The following CNTN4 variants were observed in gnomAD, a reference collection of about 807,000 sequenced individuals.
CNTN4 encodes the protein contactin-4.
CNTN4 carries 77 observed loss-of-function variants against 122.5 expected under a neutral mutation model. The ratio of observed to expected loss-of-function variants is 0.63; its 90% CI spans 0.52 to 0.76. CNTN4 has a LOEUF of 0.76. Among genes scored for constraint, CNTN4 ranks in the 30% least tolerant of loss-of-function variants. The pLI, the probability that CNTN4 is intolerant of heterozygous loss-of-function variation, is 0.00. For synonymous variants in CNTN4, 512 were observed against 447.0 expected, an observed-to-expected ratio of 1.15 and a Z score of -1.83; for missense variants, 1,256 against 1,259.1, an observed-to-expected ratio of 1.00 and a Z score of 0.04.
At chr3:2,455,058 A>G (rs2048948302) in intron 3 of CNTN4, among the ~76,000 whole-genome samples, 1 of 152,116 alleles carries the variant, frequency 6.6e-6, no homozygotes, top group Non-Finnish European at 1.5e-5. Context: ...AAATAAAACC[A>G]GTAAATATGG....
intron 3 of CNTN4, among the ~76,000 whole-genome samples, chr3:2,548,812 G>A (rs147090595): frequency 1.3e-5 from 2 of 152,160 alleles, no homozygotes; most frequent in Non-Finnish European, 2.9e-5. Flanking sequence ...CCATGAGCAT[G>A]GAATGTTTTT....
At chr3:2,562,314 A>T (rs2078990928) in intron 3 of CNTN4, among the ~76,000 whole-genome samples, 1 of 152,040 alleles carries the variant, frequency 6.6e-6, no homozygotes, top group Admixed American at 6.6e-5. Flanking sequence ...TAGGAGGACA[A>T]ATGACCCTAT....
At chr3:2,390,916 T>C (rs2046419365) in intron 3 of CNTN4, among the ~76,000 whole-genome samples, 1 of 152,182 alleles carries the variant, frequency 6.6e-6, no homozygotes. Flanking sequence ...ATTTTCTTCT[T>C]TCAGAAAATA....
intron 3 of CNTN4, among the ~76,000 whole-genome samples, chr3:2,528,610 G>A (rs1187873918): frequency 6.6e-6 from 1 of 152,120 alleles, no homozygotes; most frequent in Non-Finnish European, 1.5e-5. Context: ...AGCACTTTTA[G>A]GAGGTAGATA....
At chr3:3,047,046 G>A (rs1218106157) in intron 23 of CNTN4, among the ~76,000 whole-genome samples, 1 of 149,916 alleles carries the variant, frequency 6.7e-6, no homozygotes, top group East Asian at 1.9e-4. Flanking sequence ...TTACATAATG[G>A]TAAAGGGATC....
chr3:2,379,667 G>T (rs546945814), intron 3 of CNTN4, among the ~76,000 whole-genome samples: 117 of 152,274 alleles, frequency 7.7e-4, no homozygotes, highest in Middle Eastern at 3.4e-3. Flanking sequence ...TGAATCTGTT[G>T]TCATGACTTT....
intron 5 of CNTN4, among the ~76,000 whole-genome samples, chr3:2,745,044 C>T (rs542763534): frequency 2.1e-4 from 32 of 152,286 alleles, no homozygotes; most frequent in African/African-American, 7.2e-4. Flanking sequence ...CCAGCCATTG[C>T]AGTCATATTA....
intron 3 of CNTN4, among the ~76,000 whole-genome samples, chr3:2,477,189 T>C (rs1012147106): frequency 2.6e-4 from 40 of 152,328 alleles, no homozygotes; most frequent in Non-Finnish European, 5.6e-4. Context: ...GCTCTTGTTC[T>C]TATAAGAAAT....
intron 4 of CNTN4, among the ~76,000 whole-genome samples, chr3:2,634,948 A>G (rs1417707654): frequency 6.6e-6 from 1 of 152,140 alleles, no homozygotes; most frequent in Non-Finnish European, 1.5e-5. Flanking sequence ...TGGGGTGAAG[A>G]TTTTATTCTT....
At chr3:2,353,779 G>T (rs1298613926) in intron 3 of CNTN4, among the ~76,000 whole-genome samples, 1 of 152,000 alleles carries the variant, frequency 6.6e-6, no homozygotes, top group Non-Finnish European at 1.5e-5. Context: ...GGCGCCTGTG[G>T]TCCCAGCTAC....
rs1365493626 is a variant in CNTN4, at chr3:2,777,193, T to C, written c.358+31496T>C. Among the ~76,000 whole-genome samples, 3 of 152,274 alleles carry C rather than the reference T, an allele frequency of 2.0e-5. No homozygotes were observed. In the East Asian group the frequency reaches 5.8e-4, roughly 29 times the overall value. On this transcript the variant is annotated intron_variant, in intron 6 of 24. Transcript: ENST00000418658. The stretch of plus-strand genomic sequence containing the variant: ...CTTTGTGCTTTCAGGAAAATCACAT[T>C]TGTGTTTTATGGTATTTAAACAGAA...
rs1233126580 is a variant in CNTN4 at position 2,571,517 on chromosome 3, G to C, written c.14G>C (p.Trp5Ser). 1 of 1,613,612 alleles carries C rather than the reference G, an allele frequency of 6.2e-7. No individual in the cohort carries two copies. The highest frequency in any genetic ancestry group is 1.3e-5 in the African/African-American group (1 of 74,928). Residue 5 changes from tryptophan to serine, a missense_variant, in exon 4 of 25, where the codon TGG becomes TCG. Transcript: ENST00000418658. The stretch of plus-strand genomic sequence containing the variant: ...CGGAAACTGAAGATGAGGTTGCCAT[G>C]GGAACTGCTGGTACTGCAATCATTC... MRLP[W>S]ELLVLQSFIL...
chr3:2,466,363 G>C (rs920853738), intron 3 of CNTN4, among the ~76,000 whole-genome samples: 1 of 152,200 alleles, frequency 6.6e-6, no homozygotes, highest in East Asian at 1.9e-4. Context: ...GTAAGTGTTT[G>C]TCGCTGCTCT....
At chr3:2,277,092 G>A (rs758105467) in intron 2 of CNTN4, among the ~76,000 whole-genome samples, 5 of 152,072 alleles carry the variant, frequency 3.3e-5, no homozygotes, top group Non-Finnish European at 5.9e-5. Flanking sequence ...CACCAAAAAA[G>A]CAAGAGAGGA....
chr3:2,824,696 CTG>C (rs2092950433), intron 7 of CNTN4, among the ~76,000 whole-genome samples: 1 of 152,152 alleles, frequency 6.6e-6, no homozygotes, highest in African/African-American at 2.4e-5. Flanking sequence ...GAGTCTCACT[CTG>C]TCAACCAGGC....
intron 19 of CNTN4, chr3:3,039,827 T>G (rs538163503): frequency 3.5e-6 from 2 of 563,434 alleles, no homozygotes; most frequent in Non-Finnish European, 6.5e-6. Flanking sequence ...GGACTGCAGA[T>G]CCTCATTACG....
chr3:2,942,560 G>A (rs1186451181), intron 13 of CNTN4, among the ~76,000 whole-genome samples: 1 of 152,132 alleles, frequency 6.6e-6, no homozygotes, highest in Non-Finnish European at 1.5e-5. Flanking sequence ...TGGTGATGGA[G>A]GACACCTTAG....
intron 13 of CNTN4, among the ~76,000 whole-genome samples, chr3:2,983,147 G>T (rs531779662): frequency 7.5e-6 from 1 of 133,738 alleles, no homozygotes; most frequent in Non-Finnish European, 1.5e-5. Context: ...CCTGGAGGTG[G>T]AGCTTGCAGT....
chr3:2,389,434 C>T (rs935495857), intron 3 of CNTN4, among the ~76,000 whole-genome samples: 35 of 152,168 alleles, frequency 2.3e-4, no homozygotes, highest in Admixed American at 7.9e-4. Context: ...TGTAACTCTT[C>T]AGAGAGGCCT....
Sources: gnomAD v4.1 joint callset for allele counts (sites outside exome capture counted in the v4.1 genomes callset) on GRCh38, gnomAD v4.1.1 for gene constraint, MANE v1.5 for transcripts, NCBI Gene and HGNC (gene_info 2026-07-23, HGNC 2026-07-21) for gene names.